The following KIF5A variants were observed in gnomAD, a reference collection of about 807,000 sequenced individuals.
The protein encoded by KIF5A is kinesin family member 5A.
In KIF5A, 35 loss-of-function variants were observed where a neutral mutation model predicts 141.3. The observed-to-expected ratio is 0.25, with a 90% confidence interval of 0.19 to 0.33. The LOEUF (loss-of-function observed/expected upper bound fraction) is 0.33. KIF5A is among the 10% of genes least tolerant of loss of function. KIF5A has a pLI of 1.00. For synonymous variants in KIF5A, 448 were observed against 500.2 expected (o/e 0.90, Z 1.39); for missense variants, 861 against 1,314.3 (o/e 0.66, Z 5.33).
rs1882757150 is a variant in KIF5A at position 57,586,239 on chromosome 12, T to A, written c.*2058T>A. On this transcript the variant is annotated 3_prime_UTR_variant, in exon 29 of 29. Coordinates refer to ENST00000455537, the MANE Select transcript of KIF5A (RefSeq NM_004984.4). ...AGGGCACTTAAGAATCCAGGGGGTT[T>A]TATGTAATGTTGCCACCACATGGTT... 6.6e-6 allele frequency: 1 copy of A among 152,182 alleles called. No individual in the cohort carries two copies. The highest frequency in any genetic ancestry group is 1.5e-5 in the Non-Finnish European group (1 of 68,036). The allele number at this position is 152,182 out of a possible 1,614,324, so 9.4% of individuals were successfully genotyped here.
In KIF5A at chr12:57,550,977, T is replaced by C. The variant is rs1041040579; in HGVS notation, c.129+577T>C. On this transcript the variant is annotated intron_variant, in intron 1 of 28. Transcript: ENST00000455537. This position sits in a 1 kb window ranked among gnomAD's most constrained non-coding sequence, Gnocchi z 4.6. ...GCAGGGTTTACTGGGAAAGAAATCA[T>C]TGATGCCACACCCAATCTTGGGGGG... Among the ~76,000 whole-genome samples, 2 of 152,038 alleles carry C rather than the reference T, an allele frequency of 1.3e-5. No homozygotes were observed. Among genetic ancestry groups the C allele is most frequent in the Admixed American group, 6.6e-5 (1 of 15,266 alleles).
intron 1 of KIF5A, among the ~76,000 whole-genome samples, chr12:57,557,022 C>T (rs1219419135): frequency 6.6e-6 from 1 of 152,132 alleles, no homozygotes; most frequent in Non-Finnish European, 1.5e-5. Flanking sequence ...TATTAACCAT[C>T]ACAATTCCAC....
intron 27 of KIF5A, 195 bp from the exon 28 acceptor site, chr12:57,582,906 C>A (rs1439989126): frequency 1.5e-5 from 10 of 657,638 alleles, no homozygotes; most frequent in Non-Finnish European, 2.7e-5. Context: ...GGGTTTCTCT[C>A]CTACCTTTGG....
At position 57,578,147 on chromosome 12, in the gene KIF5A, C is replaced by T. The variant is rs1287151127; in HGVS notation, c.2433+67C>T. On this transcript the variant is annotated intron_variant, in intron 22 of 28. Transcript: ENST00000455537. The stretch of plus-strand genomic sequence containing the variant: ...CTCCTATCCTTAGGTTTCTCCTGCC[C>T]CTGTTGCCCCTATGGGGCTGGCTTG... 5 of 1,579,818 alleles carry T rather than the reference C, an allele frequency of 3.2e-6. No individual in the cohort carries two copies. In the East Asian group the frequency reaches 6.7e-5, roughly 21 times the overall value.
At chr12:57,570,688 A>G (rs1403907798) in intron 12 of KIF5A, among the ~76,000 whole-genome samples, 1 of 152,150 alleles carries the variant, frequency 6.6e-6, no homozygotes, top group Non-Finnish European at 1.5e-5. Context: ...CCCGGCCTGT[A>G]TATGTAATTA....
chr12:57,565,326 C>G (rs1181724298), intron 6 of KIF5A, among the ~76,000 whole-genome samples: 1 of 151,978 alleles, frequency 6.6e-6, no homozygotes, highest in South Asian at 2.1e-4. Context: ...GACACTGAAG[C>G]AGGAGAATCT....
chr12:57,586,162 G>A lies in KIF5A; in HGVS notation c.*1981G>A, dbSNP rs1474326854. The A allele has an allele frequency of 1.3e-5, 2 of 152,124 alleles. No homozygotes were observed. Among genetic ancestry groups the A allele is most frequent in the South Asian group, 2.1e-4 (1 of 4,828 alleles). The allele number at this position is 152,124 out of a possible 1,614,324, so 9.4% of individuals were successfully genotyped here. ...ATGCTGTCTCCAGACCCACTAGGGTGGAAGGAAGGTTCCTGTGGGCCTGTG... is the reference window on the plus strand; with the variant it reads ...ATGCTGTCTCCAGACCCACTAGGGTAGAAGGAAGGTTCCTGTGGGCCTGTG... On this transcript the variant is annotated 3_prime_UTR_variant, in exon 29 of 29. Transcript: ENST00000455537.
intron 2 of KIF5A, 30 bp downstream of exon 2, chr12:57,563,556 C>T (rs757940468): frequency 2.5e-6 from 4 of 1,606,254 alleles, no homozygotes; most frequent in Admixed American, 3.3e-5. Context: ...AATGTCTCTT[C>T]TCAGCACCCC....
chr12:57,577,915 C>G, intron 21 of KIF5A, 94 bp from the exon 22 acceptor site: 1 of 1,248,686 alleles, frequency 8.0e-7, no homozygotes, highest in South Asian at 1.2e-5. Context: ...ATAAGTGACT[C>G]ACTTGATTAT....
At chr12:57,570,757 A>C (rs1231528257) in intron 12 of KIF5A, among the ~76,000 whole-genome samples, 1 of 152,090 alleles carries the variant, frequency 6.6e-6, no homozygotes, top group Non-Finnish European at 1.5e-5. Context: ...TTCATTAATA[A>C]TTCTTCATAA....
Position 57,576,146 on chromosome 12 carries a change from G to A in KIF5A, c.2083G>A (p.Val695Met). 6.2e-7 allele frequency: 1 copy of A among 1,614,174 alleles called. No homozygotes were observed. The highest frequency in any genetic ancestry group is 8.5e-7 in the Non-Finnish European group (1 of 1,179,996). ...KEPDTQDADE[V>M]KKALELQMES... ...GCCTGACACTCAGGATGCAGATGAAGTGAAGGTGAGTAAGGAAGGTGTCAG... is the reference window on the plus strand; with the variant it reads ...GCCTGACACTCAGGATGCAGATGAAATGAAGGTGAGTAAGGAAGGTGTCAG... Residue 695 changes from valine to methionine, a missense_variant, in exon 18 of 29, where the codon GTG becomes ATG. Physicochemically the swap from Val to Met is conservative, Grantham distance 21 (BLOSUM62 1). Transcript: ENST00000455537.
chr12:57,580,963 G>A lies in KIF5A; in HGVS notation c.2546G>A (p.Arg849His), dbSNP rs765503816. 5.0e-6 allele frequency: 8 copies of A among 1,613,698 alleles called. No homozygotes were observed. The highest frequency in any genetic ancestry group is 1.3e-5 in the African/African-American group (1 of 74,846). ...CTTTGGCTTGCCCCATAGCTGGTAC[G>A]TGACAATGCAGATCTGCGTTGTGAG... ...QLTKVHKQLVRDNADLRCELP... is the reference protein window; with the variant it reads ...QLTKVHKQLVHDNADLRCELP... Residue 849 changes from arginine to histidine, a missense_variant, in exon 24 of 29, where the codon CGT (arginine) becomes CAT (histidine). Transcript: ENST00000455537.
At chr12:57,564,539 T>G in intron 5 of KIF5A, 31 bp downstream of exon 5, 1 of 1,542,534 alleles carries the variant, frequency 6.5e-7, no homozygotes, top group Non-Finnish European at 9.0e-7. Flanking sequence ...GATGAGGGTG[T>G]GTGAGGAGGG....
intron 1 of KIF5A, among the ~76,000 whole-genome samples, chr12:57,556,365 C>G (rs1224020312): frequency 6.6e-6 from 1 of 152,032 alleles, no homozygotes; most frequent in African/African-American, 2.4e-5. Context: ...GTCTCGATCT[C>G]CTGACCTCGT....
At position 57,572,754 on chromosome 12, in the gene KIF5A, T is replaced by C; in HGVS notation, c.1716+28T>C. The C allele has an allele frequency of 6.2e-7, 1 of 1,613,990 alleles. No homozygotes were observed. Among genetic ancestry groups the C allele is most frequent in the Non-Finnish European group, 8.5e-7 (1 of 1,179,860 alleles). ...GAGTGGTGAGAGACAGCAGCCTTGT[T>C]CAGGCTGGGCACTAGTGGAAGACGC... On this transcript the variant is annotated intron_variant, in intron 15 of 28. Transcript: ENST00000455537. The surrounding 1 kb of genome is among the most constrained non-coding windows in gnomAD (Gnocchi z 4.2).
intron 16 of KIF5A, among the ~76,000 whole-genome samples, 181 bp from the exon 17 acceptor site, chr12:57,575,459 C>T (rs1187795092): frequency 6.6e-6 from 1 of 152,158 alleles, no homozygotes; most frequent in Non-Finnish European, 1.5e-5. Context: ...AGGGCGGGTA[C>T]TGCCCCCTGA....
intron 15 of KIF5A, 108 bp from the exon 16 acceptor site, chr12:57,574,976 T>C: frequency 1.0e-6 from 1 of 954,774 alleles, no homozygotes; most frequent in Non-Finnish European, 1.7e-6. Context: ...ACCCATCCCA[T>C]TTGAGTCCCT....
In KIF5A at chr12:57,581,221, T is replaced by C. The variant is rs535079264; in HGVS notation, c.2755+49T>C. 3.4e-5 allele frequency: 53 copies of C among 1,569,858 alleles called. 1 individual carries two copies. In the South Asian group the frequency reaches 5.6e-4, roughly 17 times the overall value. ...GTGGGAGTATCTCCTGAAGCAAATT[T>C]AGCAAATTGCTAATTGCCAAGCAAC... On this transcript the variant is annotated intron_variant, in intron 24 of 28. Coordinates refer to ENST00000455537, the MANE Select transcript of KIF5A (RefSeq NM_004984.4).
intron 12 of KIF5A, 35 bp downstream of exon 12, chr12:57,570,197 A>C (rs751676050): frequency 1.2e-6 from 2 of 1,603,814 alleles, no homozygotes; most frequent in Admixed American, 3.3e-5. Flanking sequence ...GAGGCACGCC[A>C]GGTGGGATGA....
Sources: allele counts gnomAD v4.1 joint callset (sites outside exome capture counted in the v4.1 genomes callset), GRCh38; gene constraint gnomAD v4.1.1; non-coding constraint Gnocchi (gnomAD v3.1); transcripts MANE v1.5; gene names NCBI Gene and HGNC (gene_info 2026-07-23, HGNC 2026-07-21).